ASTN2: variants seen among roughly 807,000 people sequenced by gnomAD.
The protein encoded by ASTN2 is astrotactin 2.
A neutral mutation model predicts 139.8 loss-of-function variants in ASTN2; 54 were observed. The ratio of observed to expected loss-of-function variants is 0.39; its 90% CI spans 0.31 to 0.48. The LOEUF is 0.48. Among genes scored for constraint, ASTN2 ranks in the 20% least tolerant of loss-of-function variants. ASTN2 has a pLI of 0.95. For missense variants in ASTN2, 1,565 were observed against 1,725.1 expected (o/e 0.91, Z 1.64); for synonymous variants, 756 against 719.5 (o/e 1.05, Z -0.81).
intron 13 of ASTN2, among the ~76,000 whole-genome samples, chr9:116,753,147 A>G (rs140326428): frequency 6.6e-6 from 1 of 152,226 alleles, no homozygotes; most frequent in Non-Finnish European, 1.5e-5. Flanking sequence ...ACAAACATCC[A>G]TATAATGAAA....
chr9:116,716,753 T>G (rs1237080802), intron 16 of ASTN2, among the ~76,000 whole-genome samples: 2 of 152,176 alleles, frequency 1.3e-5, no homozygotes. Context: ...AAGGTTTGAC[T>G]TTACTTTATA....
At chr9:116,587,145 A>G (rs1854191441) in intron 19 of ASTN2, among the ~76,000 whole-genome samples, 2 of 152,088 alleles carry the variant, frequency 1.3e-5, no homozygotes. Context: ...GTTTGAGACT[A>G]GCCTGGCCAA....
At chr9:116,530,633 A>C (rs1209384024) in intron 19 of ASTN2, among the ~76,000 whole-genome samples, 4 of 152,180 alleles carry the variant, frequency 2.6e-5, no homozygotes, top group African/African-American at 7.2e-5. Flanking sequence ...AGTAACTAAA[A>C]CAAGAAAATA....
At chr9:116,620,511 G>A (rs1856084657) in intron 17 of ASTN2, 68 bp from the exon 18 acceptor site, 2 of 1,590,364 alleles carry the variant, frequency 1.3e-6, no homozygotes, top group Non-Finnish European at 1.7e-6. Flanking sequence ...TAAATGTGCT[G>A]ATGGCCATGA....
intron 11 of ASTN2, among the ~76,000 whole-genome samples, chr9:116,849,092 T>C (rs1218836955): frequency 2.0e-5 from 3 of 152,186 alleles, no homozygotes; most frequent in Admixed American, 2.0e-4. Flanking sequence ...ATGGAAAAGT[T>C]GCACAGGGCA....
intron 1 of ASTN2, among the ~76,000 whole-genome samples, chr9:117,381,512 A>G (rs968481630): frequency 6.6e-6 from 1 of 152,088 alleles, no homozygotes; most frequent in African/African-American, 2.4e-5. Context: ...CTTGTGAGAT[A>G]TGATCACTTA....
chr9:116,941,393 T>A (rs1835224439), intron 10 of ASTN2, among the ~76,000 whole-genome samples: 2 of 152,070 alleles, frequency 1.3e-5, no homozygotes, highest in Non-Finnish European at 2.9e-5. Context: ...TCTGTACACC[T>A]TTCACCCAGC....
At chr9:117,291,598 G>T in intron 1 of ASTN2, 85 bp from the exon 2 acceptor site, 1 of 1,279,060 alleles carries the variant, frequency 7.8e-7, no homozygotes, top group Non-Finnish European at 1.1e-6. Flanking sequence ...ATAATCAGGA[G>T]CTCAGAAGGC....
chr9:116,468,257 T>C (rs16933571), intron 20 of ASTN2, among the ~76,000 whole-genome samples: 5,301 of 152,306 alleles, frequency 0.035, 293 homozygotes, highest in African/African-American at 0.12. Context: ...TGAGAGCTAA[T>C]TACCTATAAA....
chr9:117,346,401 A>G (rs1396885528), intron 1 of ASTN2, among the ~76,000 whole-genome samples: 1 of 152,194 alleles, frequency 6.6e-6, no homozygotes, highest in Non-Finnish European at 1.5e-5. Context: ...TACAGAATTC[A>G]GATCCATATA....
At chr9:117,220,920 T>G (rs1832493671) in intron 2 of ASTN2, among the ~76,000 whole-genome samples, 1 of 152,188 alleles carries the variant, frequency 6.6e-6, no homozygotes, top group South Asian at 2.1e-4. Context: ...AGGTGAGGCT[T>G]TCATGGCTCC....
intron 1 of ASTN2, among the ~76,000 whole-genome samples, chr9:117,349,543 T>A (rs534214187): frequency 1.3e-5 from 2 of 152,122 alleles, no homozygotes; most frequent in African/African-American, 2.4e-5. Context: ...GAAAAAATAC[T>A]GAAAAAGAAT....
At chr9:116,592,433 A>G (rs2131734882) in intron 19 of ASTN2, among the ~76,000 whole-genome samples, 1 of 152,196 alleles carries the variant, frequency 6.6e-6, no homozygotes, top group South Asian at 2.1e-4. Context: ...CAGTATCACA[A>G]GAACAGCCAC....
chr9:116,688,739 G>A (rs1860408877), intron 16 of ASTN2, among the ~76,000 whole-genome samples: 1 of 152,162 alleles, frequency 6.6e-6, no homozygotes, highest in Non-Finnish European at 1.5e-5. Flanking sequence ...AGCTACGATA[G>A]CAGATAGAAA....
rs189171975 is a variant in ASTN2 at position 116,674,469 on chromosome 9, C to T, written c.2807-22676G>A. On this transcript the variant is annotated intron_variant, in intron 16 of 22. Coordinates refer to ENST00000313400, the MANE Select transcript of ASTN2 (RefSeq NM_001365068.1). ...GGCAATTAATCTGGTCGCCCTCCCC[C>T]GGAGAGAGCCATCCTGCCCACAAAT... Among the ~76,000 whole-genome samples, 6 of 152,290 alleles carry T rather than the reference C, an allele frequency of 3.9e-5. No individual in the cohort carries two copies. The East Asian group carries it at 7.7e-4, about 20-fold the overall frequency.
At chr9:116,724,508 G>C (rs933915981) in intron 16 of ASTN2, among the ~76,000 whole-genome samples, 1 of 152,194 alleles carries the variant, frequency 6.6e-6, no homozygotes, top group Admixed American at 6.5e-5. Context: ...ATGTGCAGCT[G>C]CATAAAAAGC....
intron 2 of ASTN2, among the ~76,000 whole-genome samples, chr9:117,285,648 A>G (rs776978993): frequency 7.2e-5 from 11 of 152,208 alleles, no homozygotes; most frequent in Non-Finnish European, 1.2e-4. Context: ...TAATTTAACT[A>G]TTATTCCTCT....
chr9:116,945,571 C>A (rs1047897322), intron 10 of ASTN2, among the ~76,000 whole-genome samples: 2 of 151,888 alleles, frequency 1.3e-5, no homozygotes, highest in African/African-American at 2.4e-5. Context: ...TCTTTTCTTC[C>A]TTTCCTTCCT....
intron 10 of ASTN2, among the ~76,000 whole-genome samples, chr9:116,869,873 G>A (rs1395746885): frequency 2.0e-5 from 3 of 152,142 alleles, no homozygotes; most frequent in Non-Finnish European, 2.9e-5. Flanking sequence ...AGAGACTGAG[G>A]TGGGAGGATC....
Sources: allele counts gnomAD v4.1 joint callset (sites outside exome capture counted in the v4.1 genomes callset), GRCh38; gene constraint gnomAD v4.1.1; transcripts MANE v1.5; gene names NCBI Gene and HGNC (gene_info 2026-07-23, HGNC 2026-07-21).